AKT3: variants seen among roughly 807,000 people sequenced by gnomAD.
AKT3 encodes AKT serine/threonine kinase 3.
In AKT3, 15 loss-of-function variants were observed where a neutral mutation model predicts 65.3. The observed-to-expected ratio is 0.23, with a 90% CI of 0.15 to 0.35. The LOEUF is 0.35. Among genes scored for constraint, AKT3 ranks in the 10% least tolerant of loss-of-function variants. The probability of loss-of-function intolerance (pLI) is 1.00; values close to 1 mark genes in which losing one functional copy is unlikely to be tolerated. For synonymous variants in AKT3, 206 were observed against 183.8 expected (o/e 1.12, Z -0.98); for missense variants, 243 against 576.5 (o/e 0.42, Z 5.92).
At chr1:243,516,442 A>C (rs1223681407) in intron 12 of AKT3, among the ~76,000 whole-genome samples, 1 of 151,812 alleles carries the variant, frequency 6.6e-6, no homozygotes, top group East Asian at 1.9e-4. Context: ...CCTTTCATCA[A>C]TTTTCTCTAT....
chr1:243,536,259 CTG>C (rs963392882), intron 12 of AKT3, among the ~76,000 whole-genome samples: 1 of 151,850 alleles, frequency 6.6e-6, no homozygotes, highest in African/African-American at 2.4e-5. Flanking sequence ...TTTGTTTTTA[CTG>C]TATTTGCTTT....
intron 1 of AKT3, among the ~76,000 whole-genome samples, chr1:243,845,588 CAAA>C (rs10648820): frequency 6.3e-5 from 5 of 79,368 alleles, no homozygotes; most frequent in Admixed American, 1.6e-4. Context: ...GAACCTGTCT[CAAA>C]AAAAAAAAAA....
intron 2 of AKT3, among the ~76,000 whole-genome samples, chr1:243,769,995 G>C (rs1690073892): frequency 6.6e-6 from 1 of 152,124 alleles, no homozygotes; most frequent in Admixed American, 6.5e-5. Flanking sequence ...CATGGTGTGA[G>C]GTAAGGAGTC....
chr1:243,706,024 T>C (rs760303367), intron 2 of AKT3, among the ~76,000 whole-genome samples: 5 of 152,340 alleles, frequency 3.3e-5, no homozygotes, highest in South Asian at 2.1e-4. Flanking sequence ...AACTTCCTTA[T>C]TGTAAATATT....
At chr1:243,822,099 A>C (rs575144462) in intron 2 of AKT3, among the ~76,000 whole-genome samples, 5 of 152,338 alleles carry the variant, frequency 3.3e-5, no homozygotes, top group South Asian at 2.1e-4. Context: ...AGCACAATCA[A>C]ATCAGAACTC....
intron 8 of AKT3, among the ~76,000 whole-genome samples, chr1:243,600,063 A>G (rs1676903751): frequency 6.6e-6 from 1 of 152,146 alleles, no homozygotes; most frequent in South Asian, 2.1e-4. Context: ...TATAACTTAA[A>G]AACATAAAAT....
chr1:243,814,969 G>T (rs1242434418), intron 2 of AKT3, among the ~76,000 whole-genome samples: 1 of 152,096 alleles, frequency 6.6e-6, no homozygotes, highest in Non-Finnish European at 1.5e-5. Flanking sequence ...GATCTTAAAG[G>T]ACTTTAAAGT....
In AKT3 at chr1:243,819,322, G is replaced by C. The variant is rs150533310; in HGVS notation, c.46+23803C>G. Among the ~76,000 whole-genome samples the C allele has an allele frequency of 3.9e-5, 6 of 152,316 alleles. No homozygotes were observed. The East Asian group carries it at 1.2e-3, about 29-fold the overall frequency. ...TTTCCCTGCTGGTGCCAGGGAGACTGGACGGTTTGGACCCAGGAGAAATTC... is the reference window on the plus strand; with the variant it reads ...TTTCCCTGCTGGTGCCAGGGAGACTCGACGGTTTGGACCCAGGAGAAATTC... On this transcript the variant is annotated intron_variant, in intron 2 of 13. Coordinates refer to ENST00000673466, the MANE Select transcript of AKT3 (RefSeq NM_005465.7).
intron 10 of AKT3, among the ~76,000 whole-genome samples, chr1:243,558,227 C>T (rs1400766180): frequency 6.6e-6 from 1 of 152,040 alleles, no homozygotes; most frequent in Non-Finnish European, 1.5e-5. Context: ...AGTCCATGCC[C>T]TGGCACTGCC....
At chr1:243,797,539 A>G (rs73128294) in intron 2 of AKT3, among the ~76,000 whole-genome samples, 1 of 152,302 alleles carries the variant, frequency 6.6e-6, no homozygotes, top group African/African-American at 2.4e-5. Context: ...ATTGGGAGAG[A>G]AAACTTGCTA....
chr1:243,611,899 C>T (rs2148599298), intron 8 of AKT3, among the ~76,000 whole-genome samples: 1 of 152,282 alleles, frequency 6.6e-6, no homozygotes, highest in Middle Eastern at 3.4e-3. Flanking sequence ...ATTAAGCCTA[C>T]TCTAAGTGCT....
chr1:243,584,885 G>T (rs1489939606), intron 8 of AKT3, among the ~76,000 whole-genome samples: 45 of 152,104 alleles, frequency 3.0e-4, no homozygotes, highest in Non-Finnish European at 1.2e-4. Context: ...TATATTAGTG[G>T]AGAGTGCTAG....
intron 2 of AKT3, among the ~76,000 whole-genome samples, chr1:243,723,032 A>G (rs1245262933): frequency 6.6e-6 from 1 of 152,256 alleles, no homozygotes; most frequent in Non-Finnish European, 1.5e-5. Context: ...TATAAAAATG[A>G]CTATATGCTG....
intron 8 of AKT3, among the ~76,000 whole-genome samples, chr1:243,610,781 T>G (rs1438635688): frequency 6.6e-6 from 1 of 152,212 alleles, no homozygotes. Context: ...TATATACACA[T>G]GTTTACGGTC....
chr1:243,780,944 C>A (rs1176765699), intron 2 of AKT3, among the ~76,000 whole-genome samples: 1 of 151,842 alleles, frequency 6.6e-6, no homozygotes, highest in African/African-American at 2.4e-5. Flanking sequence ...GGGAAAAAAA[C>A]AAACACTAAG....
intron 11 of AKT3, among the ~76,000 whole-genome samples, chr1:243,550,789 CA>C (rs60834632): frequency 8.9e-5 from 3 of 33,690 alleles, no homozygotes; most frequent in Non-Finnish European, 1.5e-4. Context: ...ACTAAAATAC[CA>C]AAAAAAAAAA....
chr1:243,715,623 TTC>T (rs1003958974), intron 2 of AKT3, among the ~76,000 whole-genome samples: 3 of 152,122 alleles, frequency 2.0e-5, no homozygotes, highest in Admixed American at 6.5e-5. Flanking sequence ...AGAGAGATCA[TTC>T]TTTTTCTAAA....
intron 2 of AKT3, among the ~76,000 whole-genome samples, chr1:243,710,865 G>A (rs1175324974): frequency 6.6e-6 from 1 of 152,174 alleles, no homozygotes. Context: ...AAACCTCCAT[G>A]AGGAGAAGAA....
chr1:243,794,356 T>C (rs887772925), intron 2 of AKT3: 1 of 152,200 alleles, frequency 6.6e-6, no homozygotes, highest in Non-Finnish European at 1.5e-5. Flanking sequence ...CATTAAAAAA[T>C]ACTATACAAT....
Sources: allele counts gnomAD v4.1 joint callset (sites outside exome capture counted in the v4.1 genomes callset), GRCh38; gene constraint gnomAD v4.1.1; transcripts MANE v1.5; gene names NCBI Gene and HGNC (gene_info 2026-07-23, HGNC 2026-07-21).